ST7L: variants seen among roughly 807,000 people sequenced by gnomAD.
The protein encoded by ST7L is suppression of tumorigenicity 7 like.
A neutral mutation model predicts 72.5 loss-of-function variants in ST7L; 57 were observed. The observed-to-expected ratio is 0.79, with a 90% CI of 0.64 to 0.98. ST7L has a LOEUF of 0.98. Ranked by LOEUF, ST7L falls within the 50% of genes least tolerant of loss-of-function variation. The probability of loss-of-function intolerance (pLI) is 0.00; values close to 1 mark genes in which losing one functional copy is unlikely to be tolerated. For missense variants in ST7L, 576 were observed against 672.2 expected (o/e 0.86, Z 1.58); for synonymous variants, 221 against 240.9 (o/e 0.92, Z 0.77).
intron 10 of ST7L, among the ~76,000 whole-genome samples, chr1:112,577,530 CAAAAAA>C (rs527682647): frequency 1.7e-4 from 4 of 24,116 alleles, no homozygotes; most frequent in East Asian, 1.1e-3. Flanking sequence ...AACTCTGTCT[CAAAAAA>C]AAAAAAAAAA....
At chr1:112,599,073 A>AAAAAAAAAAATATATATAT (rs1190968815) in intron 4 of ST7L, among the ~76,000 whole-genome samples, 2 of 57,002 alleles carry the variant, frequency 3.5e-5, no homozygotes, top group Non-Finnish European at 6.2e-5. Flanking sequence ...AAAAAAAAAA[A>AAAAAAAAAAATATATATAT]ATATATATAT....
chr1:112,541,849 C>T (rs1397047639), intron 14 of ST7L, 102 bp downstream of exon 14: 3 of 1,495,286 alleles, frequency 2.0e-6, no homozygotes, highest in Non-Finnish European at 1.8e-6. Context: ...TAATTTACAA[C>T]AAATATCTTC....
intron 14 of ST7L, among the ~76,000 whole-genome samples, chr1:112,536,579 G>A (rs1046276143): frequency 6.6e-6 from 1 of 152,028 alleles, no homozygotes; most frequent in Non-Finnish European, 1.5e-5. Context: ...TTTTTGAGAA[G>A]GGACTAAAGA....
chr1:112,595,203 TA>T (rs934623607), intron 5 of ST7L, among the ~76,000 whole-genome samples: 13 of 151,726 alleles, frequency 8.6e-5, no homozygotes, highest in Admixed American at 3.9e-4. Flanking sequence ...CTGTCTCTAC[TA>T]AAAATACAAA....
intron 5 of ST7L, among the ~76,000 whole-genome samples, chr1:112,597,289 T>C (rs1005564934): frequency 2.0e-5 from 3 of 152,038 alleles, no homozygotes; most frequent in African/African-American, 7.2e-5. Flanking sequence ...ATAAGGAGGG[T>C]GAGTGCATTC....
At chr1:112,519,392 G>A (rs1052994890), downstream of ST7L, among the ~76,000 whole-genome samples, 12 of 152,116 alleles carry the variant, frequency 7.9e-5, no homozygotes, top group East Asian at 1.9e-4. Flanking sequence ...TCTATTCTCC[G>A]TTTTGAACCT....
At chr1:112,553,265 A>T (rs1399767835) in intron 12 of ST7L, among the ~76,000 whole-genome samples, 1 of 142,194 alleles carries the variant, frequency 7.0e-6, no homozygotes, top group Non-Finnish European at 1.5e-5. Context: ...CACACATATT[A>T]GAGAGAATCT....
In ST7L at chr1:112,618,995, G is replaced by T; in HGVS notation, c.119C>A (p.Thr40Asn). Reference sequence around the variant, plus strand: ...CGCCACGAACCACAACGAGGCCCCAGTCCCCGCCAGCCCGGCCCGCAGTCG... The same window carrying T: ...CGCCACGAACCACAACGAGGCCCCATTCCCCGCCAGCCCGGCCCGCAGTCG... Reference protein sequence around the residue: ...RERLRAGLAGTGASLWFVAGL... With the variant: ...RERLRAGLAGNGASLWFVAGL... Residue 40 changes from threonine to asparagine, a missense_variant, in exon 1 of 15, where the codon ACT becomes AAT. Around this residue, in one of 3 missense-constraint regions of ST7L, gnomAD observed 9 missense variants for 25.6 expected, o/e 0.35. Transcript: ENST00000358039. The T allele has an allele frequency of 6.2e-7, 1 of 1,612,304 alleles. No individual in the cohort carries two copies. Among genetic ancestry groups the T allele is most frequent in the South Asian group, 1.1e-5 (1 of 90,804 alleles).
chr1:112,547,320 G>A (rs1355965982), intron 13 of ST7L, among the ~76,000 whole-genome samples: 1 of 151,542 alleles, frequency 6.6e-6, no homozygotes, highest in Non-Finnish European at 1.5e-5. Context: ...AGCCTCCTGA[G>A]TAGCTGGGAT....
chr1:112,580,729 C>CCTGG (rs1320193169), intron 9 of ST7L, among the ~76,000 whole-genome samples: 8 of 152,138 alleles, frequency 5.3e-5, no homozygotes, highest in Non-Finnish European at 1.2e-4. Flanking sequence ...TCGAGACCAT[C>CCTGG]CTGGCCAACA....
chr1:112,555,999 C>A lies in ST7L; in HGVS notation c.1265G>T (p.Ser422Ile), dbSNP rs1347299193. 8 of 1,602,872 alleles carry A rather than the reference C, an allele frequency of 5.0e-6. No homozygotes were observed. The Admixed American group carries it at 1.4e-4, about 27-fold the overall frequency. Residue 422 changes from serine to isoleucine, a missense_variant, in exon 12 of 15, where the codon AGT (serine) becomes ATT (isoleucine). By Grantham distance (142) the Ser-to-Ile change is moderately radical. Transcript: ENST00000358039. ...HVPKYLLEMK[S>I]LILPPEHILK... ...AATGTGTTCTGGAGGTAAAATTAAA[C>A]TTTTCATCTCTAATAAATACTGAAA...
At chr1:112,543,225 T>C (rs1656458674) in intron 13 of ST7L, among the ~76,000 whole-genome samples, 1 of 152,212 alleles carries the variant, frequency 6.6e-6, no homozygotes, top group Non-Finnish European at 1.5e-5. Context: ...AATGTGTTTA[T>C]ATATGTGGCA....
downstream of ST7L, among the ~76,000 whole-genome samples, chr1:112,519,892 T>TTTTTTTTTG: frequency 7.2e-6 from 1 of 138,176 alleles, no homozygotes; most frequent in Non-Finnish European, 1.6e-5. Flanking sequence ...TTTTTTTTTT[T>TTTTTTTTTG]GGAGACAGAG....
intron 6 of ST7L, among the ~76,000 whole-genome samples, chr1:112,589,810 C>G (rs966709341): frequency 2.0e-5 from 3 of 152,222 alleles, no homozygotes; most frequent in Non-Finnish European, 2.9e-5. Flanking sequence ...CCTACTTGTA[C>G]AGAACATGAA....
chr1:112,619,228 G>A (rs1295884318), upstream of ST7L: 5 of 965,732 alleles, frequency 5.2e-6, no homozygotes, highest in African/African-American at 8.2e-5. Context: ...GCTGAGTCCT[G>A]GGGAACCGGG....
At chr1:112,591,401 A>G in intron 6 of ST7L, 124 bp downstream of exon 6, 9 of 752,938 alleles carry the variant, frequency 1.2e-5, no homozygotes, top group South Asian at 3.8e-5. Flanking sequence ...TTAAATATCT[A>G]TAACATGCAA....
At chr1:112,536,877 A>G (rs2101302500) in intron 14 of ST7L, among the ~76,000 whole-genome samples, 1 of 152,312 alleles carries the variant, frequency 6.6e-6, no homozygotes, top group East Asian at 1.9e-4. Flanking sequence ...AAACTTCAAC[A>G]AAGTTTTGCT....
chr1:112,518,466 G>A, the ST7L span: 6 of 152,092 alleles, frequency 3.9e-5, no homozygotes, highest in Non-Finnish European at 5.9e-5. Flanking sequence ...AAAAAGGGTG[G>A]GGCTCTACCC....
intron 3 of ST7L, among the ~76,000 whole-genome samples, chr1:112,609,628 C>G (rs1417371564): frequency 6.6e-6 from 1 of 151,994 alleles, no homozygotes; most frequent in Non-Finnish European, 1.5e-5. Flanking sequence ...TTGAGACCAT[C>G]CTGGCCAATA....
Sources: gnomAD v4.1 joint callset for allele counts (sites outside exome capture counted in the v4.1 genomes callset) on GRCh38, gnomAD v4.1.1 for gene constraint, gnomAD v4.1.1 regional missense constraint, MANE v1.5 for transcripts, NCBI Gene and HGNC (gene_info 2026-07-23, HGNC 2026-07-21) for gene names.